The following BPTF variants were observed in gnomAD, a reference collection of about 807,000 sequenced individuals.
BPTF encodes the protein nucleosome-remodeling factor subunit BPTF.
In BPTF, 18 loss-of-function variants were observed where a neutral mutation model predicts 292.5. The observed-to-expected ratio is 0.06, with a 90% CI of 0.04 to 0.09. BPTF has a LOEUF of 0.09. Ranked by LOEUF, BPTF falls within the 10% of genes least tolerant of loss-of-function variation. The pLI, the probability that BPTF is intolerant of heterozygous loss-of-function variation, is 1.00. For missense variants in BPTF, 2,726 were observed against 3,498.7 expected, an observed-to-expected ratio of 0.78 and a Z score of 5.57; for synonymous variants, 1,225 against 1,251.9, an observed-to-expected ratio of 0.98 and a Z score of 0.45.
intron 1 of BPTF, 61 bp from the exon 2 acceptor site, chr17:67,853,878 AG>A: frequency 3.0e-6 from 4 of 1,345,950 alleles, no homozygotes; most frequent in Non-Finnish European, 3.1e-6. Flanking sequence ...ATGTTCAAAT[AG>A]GAAATTTGTA....
chr17:67,850,934 T>C (rs1209143078), intron 1 of BPTF, among the ~76,000 whole-genome samples: 1 of 152,158 alleles, frequency 6.6e-6, no homozygotes, highest in Non-Finnish European at 1.5e-5. Context: ...CTTTATCCCA[T>C]GTAAATGGCA....
intron 27 of BPTF, among the ~76,000 whole-genome samples, chr17:67,976,345 C>T (rs1218230307): frequency 2.6e-5 from 4 of 152,112 alleles, no homozygotes; most frequent in Non-Finnish European, 4.4e-5. Context: ...TGGTGACGCA[C>T]GCATGTAATC....
In BPTF at chr17:67,978,915, G is replaced by A. The variant is rs138101065; in HGVS notation, c.8726+2957G>A. Among the ~76,000 whole-genome samples, 228 of 148,956 alleles carry A rather than the reference G, an allele frequency of 1.5e-3. 1 individual carries two copies. Among genetic ancestry groups the A allele is most frequent in the African/African-American group, 5.3e-3 (216 of 40,550 alleles). Reference sequence around the variant, plus strand: ...CTGTTAGCTGGGCACGGTGGCTCATGCCTGTAATCCCAACACATTGAGAGG... The same window carrying A: ...CTGTTAGCTGGGCACGGTGGCTCATACCTGTAATCCCAACACATTGAGAGG... On this transcript the variant is annotated intron_variant, in intron 27 of 27. Transcript: ENST00000306378.
chr17:67,910,823 A>C, intron 10 of BPTF, 54 bp from the exon 11 acceptor site: 1 of 1,262,850 alleles, frequency 7.9e-7, no homozygotes, highest in Non-Finnish European at 1.0e-6. Context: ...TATATATATA[A>C]ATTCCTCCTT....
chr17:67,905,692 G>C (rs2062136701), intron 9 of BPTF, among the ~76,000 whole-genome samples: 1 of 151,938 alleles, frequency 6.6e-6, no homozygotes, highest in Admixed American at 6.6e-5. Flanking sequence ...CTGGATGACA[G>C]AACCAGACTC....
At chr17:67,944,089 A>G in intron 19 of BPTF, 61 bp from the exon 20 acceptor site, 1 of 1,218,888 alleles carries the variant, frequency 8.2e-7, no homozygotes, top group Non-Finnish European at 1.2e-6. Flanking sequence ...GATTTAATAA[A>G]AATGATATAC....
At chr17:67,875,781 G>A (rs775620456) in intron 4 of BPTF, 1 of 1,424,960 alleles carries the variant, frequency 7.0e-7, no homozygotes, top group Non-Finnish European at 9.3e-7. Flanking sequence ...CTGTAATGGG[G>A]GGAATCCTTC....
intron 25 of BPTF, among the ~76,000 whole-genome samples, chr17:67,964,812 A>C (rs1392965314): frequency 5.3e-5 from 8 of 151,758 alleles, no homozygotes; most frequent in Non-Finnish European, 1.0e-4. Flanking sequence ...ATCCTGGCTA[A>C]CACGGTGAAA....
Position 67,983,800 on chromosome 17 carries a change from C to T in BPTF, c.*1512C>T, listed in dbSNP as rs1379882809. 6 of 152,594 alleles carry T rather than the reference C, an allele frequency of 3.9e-5. No homozygotes were observed. The highest frequency in any genetic ancestry group is 7.4e-5 in the Non-Finnish European group (5 of 68,024). The allele number at this position is 152,594 out of a possible 1,614,324, so 9.5% of individuals were successfully genotyped here. A position where few individuals can be genotyped will look rare whatever the true frequency, so the allele number is the denominator to read the frequency against. On this transcript the variant is annotated 3_prime_UTR_variant, in exon 28 of 28. Transcript: ENST00000306378. Reference sequence around the variant, plus strand: ...ATTATTGTTTTTCAAAGTTTCTTTCCTTTTAATGTTTCCCTGCTATGCAAA... The same window carrying T: ...ATTATTGTTTTTCAAAGTTTCTTTCTTTTTAATGTTTCCCTGCTATGCAAA...
Position 67,945,711 on chromosome 17 carries a change from G to A in BPTF, c.7003G>A (p.Val2335Ile), listed in dbSNP as rs375811658. 11 of 1,614,108 alleles carry A rather than the reference G, an allele frequency of 6.8e-6. No homozygotes were observed. Among genetic ancestry groups the A allele is most frequent in the Non-Finnish European group, 8.5e-6 (10 of 1,180,028 alleles). The change falls in exon 21 of 28, where the codon GTC becomes ATC. Residue 2335 changes from valine to isoleucine, a missense_variant. Val to Ile is a conservative substitution (Grantham distance 29). Around this residue, in one of 22 missense-constraint regions of BPTF, gnomAD observed 570 missense variants for 633.5 expected, o/e 0.90. Coordinates refer to ENST00000306378, the MANE Select transcript of BPTF (RefSeq NM_182641.4). Reference protein sequence around the residue: ...VAAQSQPQSNVQGQSPVRVQS... With the variant: ...VAAQSQPQSNIQGQSPVRVQS... ...AGCACAGTCTCAGCCTCAAAGTAAT[G>A]TCCAAGGACAGTCTCCTGTTCGTGT...
chr17:67,879,715 G>A (rs1041060741), intron 4 of BPTF, among the ~76,000 whole-genome samples: 1 of 152,200 alleles, frequency 6.6e-6, no homozygotes, highest in Non-Finnish European at 1.5e-5. Context: ...GAAGGGGAAA[G>A]GGGAGCCAGT....
intron 1 of BPTF, among the ~76,000 whole-genome samples, chr17:67,853,137 A>G (rs776087488): frequency 1.3e-5 from 2 of 152,236 alleles, no homozygotes; most frequent in Non-Finnish European, 2.9e-5. Context: ...TGATTAAATG[A>G]GATAGATACG....
chr17:67,925,936 G>GT (rs981044355), intron 15 of BPTF, among the ~76,000 whole-genome samples: 1 of 107,800 alleles, frequency 9.3e-6, no homozygotes, highest in African/African-American at 3.3e-5. Context: ...TAGTTGTATT[G>GT]TTTTTTATTT....
chr17:67,885,966 T>A (rs1391965519), intron 4 of BPTF, among the ~76,000 whole-genome samples: 1 of 152,210 alleles, frequency 6.6e-6, no homozygotes, highest in East Asian at 1.9e-4. Flanking sequence ...AAATAAGGTG[T>A]TGCCTACCAC....
chr17:67,928,391 A>G lies in BPTF; in HGVS notation c.5788A>G (p.Thr1930Ala), dbSNP rs1392555363. 1.2e-6 allele frequency: 2 copies of G among 1,613,586 alleles called. No homozygotes were observed. The highest frequency in any genetic ancestry group is 8.5e-7 in the Non-Finnish European group (1 of 1,179,772). The stretch of plus-strand genomic sequence containing the variant: ...GCAGCAGAAGCCGACAGTGATTGCA[A>G]CTTCCACTACTTCCCCAACAAGCAG... ...LEQQKPTVIATSTTSPTSSTT... is the reference protein window; with the variant it reads ...LEQQKPTVIAASTTSPTSSTT... The change falls in exon 16 of 28, where the codon ACT (threonine) becomes GCT (alanine). Residue 1930 changes from threonine (T) to alanine (A), a missense_variant. By Grantham distance (58) the Thr-to-Ala change is moderately conservative (BLOSUM62 0). Transcript: ENST00000306378.
chr17:67,933,584 G>C (rs950412853), intron 18 of BPTF, among the ~76,000 whole-genome samples: 2 of 151,386 alleles, frequency 1.3e-5, no homozygotes, highest in Non-Finnish European at 2.9e-5. Flanking sequence ...AAGAAAAAAA[G>C]AAAAAAAAGA....
At chr17:67,928,217 C>G in intron 15 of BPTF, 138 bp from the exon 16 acceptor site, 1 of 979,982 alleles carries the variant, frequency 1.0e-6, no homozygotes, top group South Asian at 1.8e-5. Context: ...GACATATATT[C>G]TTTTTGGAAG....
At chr17:67,950,136 G>A (rs1360963293) in intron 23 of BPTF, among the ~76,000 whole-genome samples, 3 of 150,430 alleles carry the variant, frequency 2.0e-5, no homozygotes, top group Admixed American at 6.7e-5. Flanking sequence ...AGTGGCTCAT[G>A]CCTGTAATCC....
At chr17:67,961,492 C>A (rs1339262257) in intron 24 of BPTF, among the ~76,000 whole-genome samples, 3 of 152,098 alleles carry the variant, frequency 2.0e-5, no homozygotes, top group Non-Finnish European at 2.9e-5. Flanking sequence ...GGAGATAACA[C>A]ACAAACTATC....
Sources: gnomAD v4.1 joint callset for allele counts (sites outside exome capture counted in the v4.1 genomes callset) on GRCh38, gnomAD v4.1.1 for gene constraint, gnomAD v4.1.1 regional missense constraint, MANE v1.5 for transcripts, NCBI Gene and HGNC (gene_info 2026-07-23, HGNC 2026-07-21) for gene names.